Variants in DNER observed in about 807,000 individuals in gnomAD.
The protein encoded by DNER is delta and Notch-like epidermal growth factor-related receptor.
In DNER, 33 loss-of-function variants were observed where a neutral mutation model predicts 78.2. The observed-to-expected ratio is 0.42, with a 90% CI of 0.32 to 0.56. The LOEUF (loss-of-function observed/expected upper bound fraction) is 0.56. Ranked by LOEUF, DNER falls within the 20% of genes least tolerant of loss-of-function variation. DNER has a pLI of 0.11. For missense variants in DNER, 918 were observed against 975.3 expected (o/e 0.94, Z 0.78); for synonymous variants, 417 against 384.8 (o/e 1.08, Z -0.98).
chr2:229,619,774 G>T (rs1244510136), intron 1 of DNER, among the ~76,000 whole-genome samples: 1 of 151,984 alleles, frequency 6.6e-6, no homozygotes, highest in Non-Finnish European at 1.5e-5. Flanking sequence ...TAAAGGAGCT[G>T]GTACTATATT....
intron 6 of DNER, among the ~76,000 whole-genome samples, chr2:229,492,202 C>T (rs1201309472): frequency 2.6e-5 from 4 of 152,186 alleles, no homozygotes; most frequent in Non-Finnish European, 5.9e-5. Context: ...AGCCTTACTA[C>T]AACTCCTTAT....
chr2:229,711,165 G>A (rs1439237455), intron 1 of DNER, among the ~76,000 whole-genome samples: 2 of 152,074 alleles, frequency 1.3e-5, no homozygotes, highest in Non-Finnish European at 2.9e-5. Flanking sequence ...GGCTGGAGTA[G>A]CACAGGGCAG....
chr2:229,554,632 T>C (rs1696812823), intron 4 of DNER, among the ~76,000 whole-genome samples: 1 of 152,018 alleles, frequency 6.6e-6, no homozygotes, highest in Admixed American at 6.6e-5. Context: ...GTGATTGCAG[T>C]GAGCTGAGAT....
At chr2:229,585,759 C>A in intron 4 of DNER, 99 bp downstream of exon 4, 1 of 1,280,154 alleles carries the variant, frequency 7.8e-7, no homozygotes, top group Non-Finnish European at 1.1e-6. Context: ...GGATAGAATT[C>A]AGATTATCTG....
At chr2:229,488,377 T>C (rs1695322735) in intron 6 of DNER, among the ~76,000 whole-genome samples, 2 of 152,334 alleles carry the variant, frequency 1.3e-5, no homozygotes, top group South Asian at 2.1e-4. Flanking sequence ...CATTTGTATA[T>C]GTGTGTACAT....
intron 5 of DNER, among the ~76,000 whole-genome samples, chr2:229,525,134 T>A (rs1021738246): frequency 1.3e-5 from 2 of 152,222 alleles, no homozygotes; most frequent in African/African-American, 4.8e-5. Context: ...CTAAAAAATA[T>A]GCGTGTGTCT....
intron 1 of DNER, among the ~76,000 whole-genome samples, chr2:229,691,722 G>T (rs1278686692): frequency 3.3e-5 from 5 of 151,584 alleles, no homozygotes. Context: ...AAGTCAGAAA[G>T]CAAAACAATT....
intron 1 of DNER, among the ~76,000 whole-genome samples, chr2:229,687,036 G>T (rs1315825323): frequency 6.6e-6 from 1 of 152,090 alleles, no homozygotes; most frequent in Non-Finnish European, 1.5e-5. Context: ...ACATAATTTT[G>T]ATTATAGCAC....
At chr2:229,546,844 G>T in intron 5 of DNER, 103 bp downstream of exon 5, 1 of 1,479,904 alleles carries the variant, frequency 6.8e-7, no homozygotes, top group Non-Finnish European at 9.2e-7. Context: ...TAGATAGATA[G>T]AGCAAGGATG....
chr2:229,461,837 A>G (rs1433985584), intron 7 of DNER, among the ~76,000 whole-genome samples: 4 of 152,094 alleles, frequency 2.6e-5, no homozygotes, highest in African/African-American at 9.7e-5. Flanking sequence ...ATACAGACCT[A>G]AGATGATGGA....
intron 1 of DNER, among the ~76,000 whole-genome samples, chr2:229,676,909 T>G (rs544917085): frequency 6.6e-6 from 1 of 152,178 alleles, no homozygotes; most frequent in Non-Finnish European, 1.5e-5. Context: ...GTTCTTTGAT[T>G]CTGGTGGGTG....
intron 6 of DNER, among the ~76,000 whole-genome samples, chr2:229,482,629 G>A (rs1441763232): frequency 6.6e-6 from 1 of 152,134 alleles, no homozygotes; most frequent in Admixed American, 6.5e-5. Flanking sequence ...ATCATGAGAG[G>A]GATGCAGGAT....
At position 229,699,618 on chromosome 2, in the gene DNER, C is replaced by T. The variant is rs552035617; in HGVS notation, c.276+14530G>A. ...AGGCTCAAGCGATCCACCCACCCCACCTTCCCAAAGTGCTTGGGATTACAA... is the reference window on the plus strand; with the variant it reads ...AGGCTCAAGCGATCCACCCACCCCATCTTCCCAAAGTGCTTGGGATTACAA... On this transcript the variant is annotated intron_variant, in intron 1 of 12. Transcript: ENST00000341772. 3.3e-3 allele frequency among the ~76,000 whole-genome samples: 508 copies of T among 152,254 alleles called. 3 individuals are homozygous for T. The highest frequency in any genetic ancestry group is 5.1e-3 in the Non-Finnish European group (349 of 68,020).
At chr2:229,370,052 A>G (rs1692446006) in intron 11 of DNER, among the ~76,000 whole-genome samples, 1 of 152,158 alleles carries the variant, frequency 6.6e-6, no homozygotes, top group African/African-American at 2.4e-5. Context: ...CTCACTGTCC[A>G]TTATCGTTGA....
At chr2:229,422,449 T>G (rs1693787619) in intron 8 of DNER, among the ~76,000 whole-genome samples, 1 of 152,218 alleles carries the variant, frequency 6.6e-6, no homozygotes, top group Non-Finnish European at 1.5e-5. Flanking sequence ...TCAGTTCCCC[T>G]TATTTCTTTC....
chr2:229,396,301 C>T (rs932797053), intron 10 of DNER, among the ~76,000 whole-genome samples: 1 of 119,768 alleles, frequency 8.3e-6, no homozygotes, highest in Admixed American at 1.1e-4. Flanking sequence ...TTTTAGTTTA[C>T]ACGACTTTAG....
At chr2:229,700,714 A>G (rs1699732154) in intron 1 of DNER, among the ~76,000 whole-genome samples, 1 of 151,510 alleles carries the variant, frequency 6.6e-6, no homozygotes, top group Non-Finnish European at 1.5e-5. Flanking sequence ...GGAGATCGAG[A>G]CTATCCTGGC....
intron 4 of DNER, among the ~76,000 whole-genome samples, chr2:229,564,452 C>T (rs557300448): frequency 2.9e-4 from 41 of 139,154 alleles, no homozygotes; most frequent in Admixed American, 2.6e-3. Flanking sequence ...CATCCCATCA[C>T]CATCATCATC....
Position 229,652,986 on chromosome 2 carries a change from C to A in DNER, c.277-61098G>T, listed in dbSNP as rs537947736. Among the ~76,000 whole-genome samples the A allele has an allele frequency of 5.3e-5, 8 of 152,210 alleles. No individual in the cohort carries two copies. In the South Asian group the frequency reaches 1.5e-3, roughly 28 times the overall value. On this transcript the variant is annotated intron_variant, in intron 1 of 12. Transcript: ENST00000341772. The stretch of plus-strand genomic sequence containing the variant: ...ATTGCTCACACAAAATCTTTCTTCT[C>A]CCCGGAATTTGCTGTTAGTACTCTG...
Sources: gnomAD v4.1 joint callset for allele counts (sites outside exome capture counted in the v4.1 genomes callset) on GRCh38, gnomAD v4.1.1 for gene constraint, MANE v1.5 for transcripts, NCBI Gene and HGNC (gene_info 2026-07-23, HGNC 2026-07-21) for gene names.